DMXL1: variants seen among roughly 807,000 people sequenced by gnomAD.
DMXL1 encodes dmX-like protein 1.
A neutral mutation model predicts 319.2 loss-of-function variants in DMXL1; 99 were observed. The observed-to-expected ratio is 0.31, with a 90% CI of 0.26 to 0.37. The LOEUF is 0.37. DMXL1 is among the 10% of genes least tolerant of loss of function. The pLI is 1.00. For synonymous variants in DMXL1, 1,385 were observed against 1,235.2 expected, an observed-to-expected ratio of 1.12 and a Z score of -2.54; for missense variants, 3,745 against 3,595.6, an observed-to-expected ratio of 1.04 and a Z score of -1.06.
chr5:119,185,329 T>C (rs971508479), intron 28 of DMXL1, among the ~76,000 whole-genome samples: 3 of 152,182 alleles, frequency 2.0e-5, no homozygotes, highest in African/African-American at 7.2e-5. Flanking sequence ...GAGACTCCCT[T>C]GCTCTGTGGT....
chr5:119,183,224 G>A (rs1425527388), intron 28 of DMXL1, among the ~76,000 whole-genome samples: 1 of 152,102 alleles, frequency 6.6e-6, no homozygotes, highest in Non-Finnish European at 1.5e-5. Context: ...TAAAACTTGT[G>A]TAAAAACAAA....
Position 119,110,144 on chromosome 5 carries a change from T to G in DMXL1, c.365-7T>G. 1 of 1,588,940 alleles carries G rather than the reference T, an allele frequency of 6.3e-7. No individual in the cohort carries two copies. On this transcript the variant is annotated splice_polypyrimidine_tract_variant and splice_region_variant and intron_variant, in intron 4 of 43. Coordinates refer to ENST00000539542, the MANE Select transcript of DMXL1 (RefSeq NM_001290321.3). ...AAATAATAAATGAGGAATAATATTT[T>G]TTTTAGGCAGTCGTCTTTTAACTGG...
intron 28 of DMXL1, among the ~76,000 whole-genome samples, chr5:119,180,557 A>G (rs940803684): frequency 3.3e-5 from 5 of 152,052 alleles, no homozygotes; most frequent in African/African-American, 1.2e-4. Context: ...TCATATGCAA[A>G]TTTACCTTAT....
chr5:119,127,654 G>T (rs924178707), intron 9 of DMXL1: 3 of 172,104 alleles, frequency 1.7e-5, no homozygotes, highest in Non-Finnish European at 3.7e-5. Flanking sequence ...GACCAGGCTG[G>T]TCTCGAACCC....
intron 28 of DMXL1, among the ~76,000 whole-genome samples, chr5:119,185,628 A>G (rs1423705151): frequency 6.6e-6 from 1 of 151,890 alleles, no homozygotes; most frequent in Non-Finnish European, 1.5e-5. Context: ...TCAGCTTCCC[A>G]AGCAGCTGGG....
intron 15 of DMXL1, among the ~76,000 whole-genome samples, chr5:119,146,145 C>G (rs1768478856): frequency 6.6e-6 from 1 of 151,862 alleles, no homozygotes; most frequent in South Asian, 2.1e-4. Flanking sequence ...ATAATACCTG[C>G]TTTCTCATGT....
intron 13 of DMXL1, among the ~76,000 whole-genome samples, chr5:119,140,417 C>T (rs1767039993): frequency 6.6e-6 from 1 of 151,950 alleles, no homozygotes; most frequent in Non-Finnish European, 1.5e-5. Flanking sequence ...TAGAAATTAC[C>T]AAGGGAATGT....
intron 9 of DMXL1, among the ~76,000 whole-genome samples, chr5:119,127,523 C>G (rs551164666): frequency 6.6e-6 from 1 of 152,330 alleles, no homozygotes; most frequent in East Asian, 1.9e-4. Context: ...ACTGCAACTT[C>G]TGCCTCCTGG....
Position 119,242,651 on chromosome 5 carries a change from A to G in DMXL1, c.8705-1708A>G, listed in dbSNP as rs556894358. On this transcript the variant is annotated intron_variant, in intron 42 of 43. Coordinates refer to ENST00000539542, the MANE Select transcript of DMXL1 (RefSeq NM_001290321.3). ...TGGGAAAGCAAAGGAATAGCCAACC[A>G]AATACTAGAGAAAAACACACTTGTG... is the stretch of plus-strand genomic sequence containing the variant. Among the ~76,000 whole-genome samples the G allele has an allele frequency of 2.0e-5, 3 of 152,328 alleles. No homozygotes were observed. In the South Asian group the frequency reaches 6.2e-4, roughly 32 times the overall value.
chr5:119,205,066 T>C (rs1294812419), intron 33 of DMXL1, among the ~76,000 whole-genome samples: 1 of 152,204 alleles, frequency 6.6e-6, no homozygotes, highest in East Asian at 1.9e-4. Context: ...GTGTTCTTGC[T>C]GACTTAGAAG....
At chr5:119,103,235 C>G (rs1466358343) in intron 3 of DMXL1, among the ~76,000 whole-genome samples, 6 of 152,036 alleles carry the variant, frequency 3.9e-5, no homozygotes, top group African/African-American at 4.8e-5. Context: ...TCTATTCAGT[C>G]TTGATGGGAA....
chr5:119,129,070 C>G, intron 9 of DMXL1, 141 bp from the exon 10 acceptor site: 1 of 625,958 alleles, frequency 1.6e-6, no homozygotes, highest in East Asian at 2.9e-5. Flanking sequence ...AAAACAAAAT[C>G]TCAAAATAAA....
chr5:119,086,977 T>G (rs908539722), intron 1 of DMXL1, among the ~76,000 whole-genome samples: 1 of 152,090 alleles, frequency 6.6e-6, no homozygotes, highest in African/African-American at 2.4e-5. Flanking sequence ...TGGATTTTAT[T>G]GAATTTGCTG....
intron 2 of DMXL1, among the ~76,000 whole-genome samples, chr5:119,098,610 T>C (rs1248520017): frequency 6.6e-6 from 1 of 152,114 alleles, no homozygotes; most frequent in Non-Finnish European, 1.5e-5. Context: ...TATTTGCATA[T>C]GAAAAGTAGA....
chr5:119,133,599 A>C lies in DMXL1; in HGVS notation c.1675A>C (p.Ile559Leu), dbSNP rs150439548. The C allele has an allele frequency of 6.7e-5, 108 of 1,614,072 alleles. No individual in the cohort carries two copies. Among genetic ancestry groups the C allele is most frequent in the Non-Finnish European group, 9.0e-5 (106 of 1,180,036 alleles). ...YACTKNVDLA[I>L]QQGKQKPSGL... ...CTGTACCAAGAATGTTGACTTGGCT[A>C]TTCAGCAGGGGAAACAAAAACCTTC... The change falls in exon 12 of 44, where the codon ATT becomes CTT. Residue 559 changes from isoleucine to leucine, a missense_variant. Ile to Leu is a conservative substitution (Grantham distance 5). Coordinates refer to ENST00000539542, the MANE Select transcript of DMXL1 (RefSeq NM_001290321.3).
chr5:119,197,710 C>A, intron 31 of DMXL1, 45 bp from the exon 32 acceptor site: 1 of 1,553,830 alleles, frequency 6.4e-7, no homozygotes. Context: ...TTGAATATGG[C>A]ATTTTACTGC....
chr5:119,229,277 C>G (rs941015116), intron 38 of DMXL1, among the ~76,000 whole-genome samples: 1 of 151,724 alleles, frequency 6.6e-6, no homozygotes, highest in African/African-American at 2.4e-5. Flanking sequence ...AGACATGAAG[C>G]ACAGGAAATT....
intron 28 of DMXL1, among the ~76,000 whole-genome samples, chr5:119,180,334 T>G (rs1311879731): frequency 6.6e-6 from 1 of 152,160 alleles, no homozygotes; most frequent in East Asian, 1.9e-4. Context: ...TTAGCCAATC[T>G]AGGGGCTAAT....
At chr5:119,195,820 T>C (rs928963339) in intron 30 of DMXL1, among the ~76,000 whole-genome samples, 3 of 152,214 alleles carry the variant, frequency 2.0e-5, no homozygotes, top group African/African-American at 7.2e-5. Flanking sequence ...AACCTGACTT[T>C]TTTAAAAATC....
Sources: gnomAD v4.1 joint callset for allele counts (sites outside exome capture counted in the v4.1 genomes callset) on GRCh38, gnomAD v4.1.1 for gene constraint, MANE v1.5 for transcripts, NCBI Gene and HGNC (gene_info 2026-07-23, HGNC 2026-07-21) for gene names.